Variants in NUP205 observed in about 807,000 individuals in gnomAD.
NUP205 encodes nucleoporin 205.
In NUP205, 76 loss-of-function variants were observed where a neutral mutation model predicts 253.8. The ratio of observed to expected loss-of-function variants is 0.30; its 90% CI spans 0.25 to 0.36. NUP205 has a LOEUF of 0.36. Among genes scored for constraint, NUP205 ranks in the 10% least tolerant of loss-of-function variants. NUP205 has a pLI of 1.00. For missense variants in NUP205, 2,162 were observed against 2,425.5 expected, an observed-to-expected ratio of 0.89 and a Z score of 2.28; for synonymous variants, 832 against 850.1, an observed-to-expected ratio of 0.98 and a Z score of 0.37.
At chr7:135,627,408 G>A (rs1410630717) in intron 33 of NUP205, among the ~76,000 whole-genome samples, 5 of 152,156 alleles carry the variant, frequency 3.3e-5, no homozygotes, top group African/African-American at 1.2e-4. Context: ...GTGCCAATAT[G>A]ATGCTCAAAG....
intron 35 of NUP205, among the ~76,000 whole-genome samples, chr7:135,632,326 T>G (rs537294303): frequency 4.9e-4 from 75 of 152,302 alleles, no homozygotes; most frequent in Non-Finnish European, 8.8e-4. Flanking sequence ...TATCCACATT[T>G]TACAGCTGAG....
Position 135,604,369 on chromosome 7 carries a change from A to G in NUP205, c.2732A>G (p.Glu911Gly). Reference sequence around the variant, plus strand: ...CTATATCATGGCAATACTAATCCAGAATTGGCTTTTGAAAGTGCCAAGATC... The same window carrying G: ...CTATATCATGGCAATACTAATCCAGGATTGGCTTTTGAAAGTGCCAAGATC... ...RYLYHGNTNP[E>G]LAFESAKILC... The change falls in exon 19 of 43, where the codon GAA becomes GGA. Residue 911 changes from glutamate to glycine, a missense_variant. Coordinates refer to ENST00000285968, the MANE Select transcript of NUP205 (RefSeq NM_015135.3). 6.2e-7 allele frequency: 1 copy of G among 1,612,602 alleles called. No individual in the cohort carries two copies.
chr7:135,604,976 C>G (rs1437772007), intron 19 of NUP205, among the ~76,000 whole-genome samples: 1 of 151,852 alleles, frequency 6.6e-6, no homozygotes, highest in African/African-American at 2.4e-5. Flanking sequence ...ATTGCGGAAT[C>G]TGCTTTTTTT....
intron 41 of NUP205, 139 bp from the exon 42 acceptor site, chr7:135,646,019 A>G (rs1197652955): frequency 4.7e-6 from 3 of 642,694 alleles, no homozygotes; most frequent in African/African-American, 1.8e-5. Flanking sequence ...TCCATTTGCT[A>G]AAAGTTGAAA....
chr7:135,587,704 A>T lies in NUP205; in HGVS notation c.1335+13A>T. 1 of 1,566,964 alleles carries T rather than the reference A, an allele frequency of 6.4e-7. No homozygotes were observed. Among genetic ancestry groups the T allele is most frequent in the Non-Finnish European group, 8.7e-7 (1 of 1,152,146 alleles). On this transcript the variant is annotated intron_variant, in intron 9 of 42. Coordinates refer to ENST00000285968, the MANE Select transcript of NUP205 (RefSeq NM_015135.3). ...CTTAATGCTTTTGGTAAGCCATTAT[A>T]TTAGAAAGCTTGTCCTCTTTCCCTC...
chr7:135,607,652 G>A (rs1794116604), intron 22 of NUP205, among the ~76,000 whole-genome samples: 1 of 152,192 alleles, frequency 6.6e-6, no homozygotes, highest in African/African-American at 2.4e-5. Context: ...TGTGTTTAAA[G>A]TAGCTCCTTC....
chr7:135,568,993 C>T (rs1261198396), intron 1 of NUP205, among the ~76,000 whole-genome samples: 1 of 152,206 alleles, frequency 6.6e-6, no homozygotes, highest in African/African-American at 2.4e-5. Context: ...TTTTATCTCC[C>T]CAACTGGTGA....
intron 22 of NUP205, among the ~76,000 whole-genome samples, chr7:135,611,586 T>C (rs1794239382): frequency 6.6e-6 from 1 of 152,226 alleles, no homozygotes; most frequent in Non-Finnish European, 1.5e-5. Context: ...GTGTCTTTTT[T>C]ACTCCTCTCT....
intron 3 of NUP205, among the ~76,000 whole-genome samples, chr7:135,575,873 A>G (rs73725135): frequency 2.6e-5 from 4 of 152,250 alleles, no homozygotes; most frequent in Non-Finnish European, 4.4e-5. Flanking sequence ...TATTCAGAGA[A>G]GATTCCGAGG....
At chr7:135,630,960 C>CT (rs1794701550) in intron 35 of NUP205, among the ~76,000 whole-genome samples, 1 of 150,674 alleles carries the variant, frequency 6.6e-6, no homozygotes, top group South Asian at 2.1e-4. Context: ...AAGATATAGG[C>CT]TTATTATAAA....
In NUP205 at chr7:135,601,401, A is replaced by T. The variant is rs748273685; in HGVS notation, c.2406A>T (p.Gly802=). 2 of 1,613,648 alleles carry T rather than the reference A, an allele frequency of 1.2e-6. No homozygotes were observed. Among genetic ancestry groups the T allele is most frequent in the Admixed American group, 3.3e-5 (2 of 59,976 alleles). The change falls in exon 17 of 43, where the codon GGA becomes GGT. Residue 802 remains glycine (G), a synonymous_variant. Transcript: ENST00000285968. ...GEEIIAYKPP[G]FSLMYHLLNE... ...AAATCATAGCCTATAAGCCACCTGGATTTAGTCTGATGTATCATCTGCTGA... is the reference window on the plus strand; with the variant it reads ...AAATCATAGCCTATAAGCCACCTGGTTTTAGTCTGATGTATCATCTGCTGA...
At chr7:135,559,081 G>A (rs1805510347) in intron 1 of NUP205, among the ~76,000 whole-genome samples, 1 of 152,066 alleles carries the variant, frequency 6.6e-6, no homozygotes. Context: ...TACACCTTTG[G>A]AGTAGTTACT....
chr7:135,645,662 GT>G (rs148753323), intron 41 of NUP205, 66 bp downstream of exon 41: 291,594 of 1,477,558 alleles, frequency 0.2, 30,526 homozygotes, highest in East Asian at 0.3. Flanking sequence ...GCTAGTACCA[GT>G]TTTTTTTTAT....
chr7:135,587,691 G>A lies in NUP205; in HGVS notation c.1335G>A (p.Leu445=), dbSNP rs780066347. ...GGGACCTGGAACACTTAATGCTTTT[G>A]GTAAGCCATTATATTAGAAAGCTTG... The part of the protein sequence containing the change: ...LRRDLEHLML[L]IGELYKKNPF... The change falls in exon 9 of 43, where the codon TTG becomes TTA. Residue 445 remains leucine (L), a splice_region_variant and synonymous_variant. Transcript: ENST00000285968. The A allele has an allele frequency of 1.3e-6, 2 of 1,583,386 alleles. No homozygotes were observed. Among genetic ancestry groups the A allele is most frequent in the Non-Finnish European group, 1.7e-6 (2 of 1,163,044 alleles).
chr7:135,607,886 C>T (rs554188236), intron 22 of NUP205, among the ~76,000 whole-genome samples: 3 of 152,168 alleles, frequency 2.0e-5, no homozygotes, highest in African/African-American at 7.2e-5. Flanking sequence ...ATTGCAGCCT[C>T]AACCTCCCCT....
chr7:135,633,881 T>C (rs757442088), intron 35 of NUP205, among the ~76,000 whole-genome samples: 4 of 152,228 alleles, frequency 2.6e-5, no homozygotes, highest in Non-Finnish European at 4.4e-5. Flanking sequence ...AAACAAGTTA[T>C]ACTACTATCA....
intron 26 of NUP205, 102 bp downstream of exon 26, chr7:135,617,349 A>G: frequency 8.5e-7 from 1 of 1,170,982 alleles, no homozygotes; most frequent in East Asian, 2.4e-5. Flanking sequence ...TGATAGAGAC[A>G]TTGGTTTAGT....
At chr7:135,590,036 C>T (rs974597652) in intron 10 of NUP205, among the ~76,000 whole-genome samples, 1 of 150,856 alleles carries the variant, frequency 6.6e-6, no homozygotes, top group African/African-American at 2.4e-5. Context: ...AAGGAATGCC[C>T]CACATTTTAA....
intron 34 of NUP205, among the ~76,000 whole-genome samples, chr7:135,629,872 A>G (rs1167710678): frequency 1.3e-5 from 2 of 152,174 alleles, no homozygotes; most frequent in African/African-American, 4.8e-5. Context: ...AAAGAATTAG[A>G]CAAAAGCTTT....
Sources: gnomAD v4.1 joint callset for allele counts (sites outside exome capture counted in the v4.1 genomes callset) on GRCh38, gnomAD v4.1.1 for gene constraint, MANE v1.5 for transcripts, NCBI Gene and HGNC (gene_info 2026-07-23, HGNC 2026-07-21) for gene names.